MKRN1: variants seen among roughly 807,000 people sequenced by gnomAD.
The protein encoded by MKRN1 is makorin ring finger protein 1.
A neutral mutation model predicts 55.5 loss-of-function variants in MKRN1; 9 were observed. That is an observed-to-expected ratio of 0.16 (90% CI 0.10 to 0.28). The LOEUF (loss-of-function observed/expected upper bound fraction) is 0.28. Among genes scored for constraint, MKRN1 ranks in the 10% least tolerant of loss-of-function variants. The pLI, the probability that MKRN1 is intolerant of heterozygous loss-of-function variation, is 1.00. For missense variants in MKRN1, 488 were observed against 626.7 expected (o/e 0.78, Z 2.36); for synonymous variants, 253 against 235.9 (o/e 1.07, Z -0.66).
At position 140,454,436 on chromosome 7, in the gene MKRN1, G is replaced by A. The variant is rs544987703; in HGVS notation, c.*81C>T. 227 of 1,371,666 alleles carry A rather than the reference G, an allele frequency of 1.7e-4. No homozygotes were observed. In the African/African-American group the frequency reaches 3.0e-3, roughly 18 times the overall value. The allele number at this position is 1,371,666 out of a possible 1,614,324, so 85.0% of individuals were successfully genotyped here. ...GGAGTTGAGAGGCCTGCCTAGGAGA[G>A]AACACAGGCACTGCCACACCACCAC... On this transcript the variant is annotated 3_prime_UTR_variant, in exon 8 of 8. Coordinates refer to ENST00000255977, the MANE Select transcript of MKRN1 (RefSeq NM_013446.4).
chr7:140,455,941 T>C, intron 5 of MKRN1, 41 bp from the exon 6 acceptor site: 2 of 1,524,422 alleles, frequency 1.3e-6, no homozygotes, highest in South Asian at 1.1e-5. Context: ...ATTCCCCTTT[T>C]ACAGGCCCAC....
Position 140,479,262 on chromosome 7 carries a change from G to A in MKRN1, c.83C>T (p.Pro28Leu). ...GGCGGTGACTGTGGGGATCGGGGTG[G>A]GGGAGGCTGCTGCCGCCGTCGCCGC... ...AAAATAAAAS[P>L]TPIPTVTAPS... Residue 28 changes from proline to leucine, a missense_variant, in exon 1 of 8, where the codon CCC (proline) becomes CTC (leucine). By Grantham distance (98) the Pro-to-Leu change is moderately conservative (BLOSUM62 -3). Transcript: ENST00000255977. 2.1e-6 allele frequency: 3 copies of A among 1,403,192 alleles called. No individual in the cohort carries two copies. Among genetic ancestry groups the A allele is most frequent in the East Asian group, 3.0e-5 (1 of 32,872 alleles). The allele number at this position is 1,403,192 out of a possible 1,614,324, so 86.9% of individuals were successfully genotyped here. A position where few individuals can be genotyped will look rare whatever the true frequency, so the allele number is the denominator to read the frequency against.
Position 140,479,248 on chromosome 7 carries a change from TG to T in MKRN1, c.96del (p.Thr33GlnfsTer56). The T allele has an allele frequency of 7.0e-7, 1 of 1,426,872 alleles. No homozygotes were observed. The allele number at this position is 1,426,872 out of a possible 1,614,324, so 88.4% of individuals were successfully genotyped here. On this transcript the variant is annotated frameshift_variant, in exon 1 of 8. Transcript: ENST00000255977. LOFTEE classifies it high-confidence loss of function. The part of the protein sequence containing the change: ...TAAAASPTPI[P>X]TVTAPSLGAG... The stretch of plus-strand genomic sequence containing the variant: ...GCCCCCAGGGACGGGGCGGTGACTG[TG>T]GGGATCGGGGTGGGGGAGGCTGCTG...
intron 7 of MKRN1, 97 bp downstream of exon 7, chr7:140,454,998 C>T (rs544739706): frequency 1.8e-5 from 27 of 1,505,192 alleles, no homozygotes; most frequent in Non-Finnish European, 2.4e-5. Flanking sequence ...CGCTCCCAGA[C>T]CTGAGCGTTA....
rs1044503245 is a variant in MKRN1, at chr7:140,479,382, C to A, written c.-38G>T. Reference sequence around the variant, plus strand: ...CACACAGCAAAGGCCCCGGAACTTCCGGGATCACATAGTTCCGGTCCGGCT... The same window carrying A: ...CACACAGCAAAGGCCCCGGAACTTCAGGGATCACATAGTTCCGGTCCGGCT... On this transcript the variant is annotated 5_prime_UTR_variant, in exon 1 of 8. Coordinates refer to ENST00000255977, the MANE Select transcript of MKRN1 (RefSeq NM_013446.4). The A allele has an allele frequency of 7.8e-7, 1 of 1,276,560 alleles. No homozygotes were observed. The highest frequency in any genetic ancestry group is 1.0e-6 in the Non-Finnish European group (1 of 1,004,920). The allele number at this position is 1,276,560 out of a possible 1,614,324, so 79.1% of individuals were successfully genotyped here. A position where few individuals can be genotyped will look rare whatever the true frequency, so the allele number is the denominator to read the frequency against.
At chr7:140,456,333 G>A (rs903818769) in intron 5 of MKRN1, 39 of 1,218,212 alleles carry the variant, frequency 3.2e-5, no homozygotes, top group South Asian at 2.7e-4. Flanking sequence ...AATGTAAAAC[G>A]TCAGGAAACA....
chr7:140,464,519 A>G (rs1794716340), intron 2 of MKRN1, among the ~76,000 whole-genome samples: 2 of 152,096 alleles, frequency 1.3e-5, no homozygotes, highest in South Asian at 4.1e-4. Context: ...CCTGATCAAC[A>G]TGGAGAAACC....
At chr7:140,475,042 A>G (rs1349061194) in intron 1 of MKRN1, among the ~76,000 whole-genome samples, 1 of 151,648 alleles carries the variant, frequency 6.6e-6, no homozygotes, top group Non-Finnish European at 1.5e-5. Flanking sequence ...CGTTAACCAC[A>G]TTTTTAAAAA....
At chr7:140,474,005 A>AGAAAAGAAAAGAAAGAAAG in intron 1 of MKRN1, among the ~76,000 whole-genome samples, 1 of 65,670 alleles carries the variant, frequency 1.5e-5, no homozygotes, top group East Asian at 3.7e-4. Context: ...AAAAAAAAAA[A>AGAAAAGAAAAGAAAGAAAG]AAAGAAAGAA....
chr7:140,475,286 T>C, intron 1 of MKRN1: 1 of 424,376 alleles, frequency 2.4e-6, no homozygotes, highest in Non-Finnish European at 4.7e-6. Flanking sequence ...GAGGTTGTAG[T>C]GAGCCGAGAT....
chr7:140,467,521 G>A (rs1293212819), intron 2 of MKRN1, among the ~76,000 whole-genome samples: 1 of 151,454 alleles, frequency 6.6e-6, no homozygotes, highest in African/African-American at 2.4e-5. Flanking sequence ...CAAGTGATCC[G>A]CCCACCTCAG....
In MKRN1 at chr7:140,479,322, C is replaced by T. The variant is rs1056393310; in HGVS notation, c.23G>A (p.Gly8Glu). The change falls in exon 1 of 8, where the codon GGA becomes GAA. Residue 8 changes from glycine (G) to glutamate (E), a missense_variant. Transcript: ENST00000255977. Reference sequence around the variant, plus strand: ...TGCTCCTGATGTTGTGGCTGTTGTTCCGGGAGTTGCAGCCTCCGCCATTAC... The same window carrying T: ...TGCTCCTGATGTTGTGGCTGTTGTTTCGGGAGTTGCAGCCTCCGCCATTAC... MAEAATP[G>E]TTATTSGAGA... The T allele has an allele frequency of 3.1e-6, 4 of 1,310,316 alleles. No individual in the cohort carries two copies. The highest frequency in any genetic ancestry group is 1.5e-5 in the African/African-American group (1 of 64,848). The allele number at this position is 1,310,316 out of a possible 1,614,324, so 81.2% of individuals were successfully genotyped here. A position where few individuals can be genotyped will look rare whatever the true frequency, so the allele number is the denominator to read the frequency against.
At chr7:140,457,952 CATTTAAAAAGATGGAA>C (rs1371508233) in intron 4 of MKRN1, among the ~76,000 whole-genome samples, 3 of 152,098 alleles carry the variant, frequency 2.0e-5, no homozygotes, top group Non-Finnish European at 4.4e-5. Context: ...CCTAAAACCA[CATTTAAAAAGATGGAA>C]ATTTAAAAGA....
At chr7:140,458,586 G>A (rs1794532385) in intron 4 of MKRN1, among the ~76,000 whole-genome samples, 1 of 152,128 alleles carries the variant, frequency 6.6e-6, no homozygotes, top group South Asian at 2.1e-4. Context: ...GCACATCTCT[G>A]TAAATATACT....
intron 5 of MKRN1, 91 bp downstream of exon 5, chr7:140,456,561 A>C (rs1010496862): frequency 6.6e-7 from 1 of 1,526,588 alleles, no homozygotes; most frequent in African/African-American, 1.4e-5. Context: ...GCATGCATTT[A>C]AATGCGGTCC....
At chr7:140,455,477 C>A in intron 6 of MKRN1, 1 of 572,818 alleles carries the variant, frequency 1.7e-6, no homozygotes, top group African/African-American at 1.9e-5. Context: ...GAGAGAAAAT[C>A]TTCTAGAAAG....
chr7:140,455,371 A>G, intron 6 of MKRN1, 138 bp from the exon 7 acceptor site: 4 of 1,079,590 alleles, frequency 3.7e-6, no homozygotes, highest in Non-Finnish European at 5.3e-6. Context: ...TGTTCTTATA[A>G]ACATGTGTGT....
chr7:140,469,748 A>C (rs904267950), intron 2 of MKRN1, among the ~76,000 whole-genome samples: 2 of 152,034 alleles, frequency 1.3e-5, no homozygotes, highest in Non-Finnish European at 2.9e-5. Flanking sequence ...CCCCGTCTCT[A>C]CTAAAAATAC....
Position 140,479,413 on chromosome 7 carries a change from G to A in MKRN1, c.-69C>T, listed in dbSNP as rs1024970835. 17 of 1,254,616 alleles carry A rather than the reference G, an allele frequency of 1.4e-5. No homozygotes were observed. Among genetic ancestry groups the A allele is most frequent in the African/African-American group, 1.6e-5 (1 of 64,400 alleles). The allele number at this position is 1,254,616 out of a possible 1,614,324, so 77.7% of individuals were successfully genotyped here. A position where few individuals can be genotyped will look rare whatever the true frequency, so the allele number is the denominator to read the frequency against. On this transcript the variant is annotated 5_prime_UTR_variant, in exon 1 of 8. Coordinates refer to ENST00000255977, the MANE Select transcript of MKRN1 (RefSeq NM_013446.4). ...CACATAGTTCCGGTCCGGCTGCGGG[G>A]AGAGGACGGCGAGGCCAGGCGAGGG... is the stretch of plus-strand genomic sequence containing the variant.
Sources: gnomAD v4.1 joint callset for allele counts (sites outside exome capture counted in the v4.1 genomes callset) on GRCh38, gnomAD v4.1.1 for gene constraint, MANE v1.5 for transcripts, NCBI Gene and HGNC (gene_info 2026-07-23, HGNC 2026-07-21) for gene names.